The following PEX5L variants were observed in gnomAD, a reference collection of about 807,000 sequenced individuals.
PEX5L encodes the protein peroxisomal biogenesis factor 5 like.
Under a neutral mutation model 84.0 loss-of-function variants are expected in PEX5L, and 30 were observed. The observed-to-expected ratio is 0.36, with a 90% CI of 0.27 to 0.48. The LOEUF is 0.48. Ranked by LOEUF, PEX5L falls within the 20% of genes least tolerant of loss-of-function variation. The pLI is 0.99. For missense variants in PEX5L, 533 were observed against 754.6 expected, an observed-to-expected ratio of 0.71 and a Z score of 3.44; for synonymous variants, 270 against 283.1, an observed-to-expected ratio of 0.95 and a Z score of 0.46.
intron 2 of PEX5L, among the ~76,000 whole-genome samples, chr3:179,940,867 C>A (rs1189937464): frequency 6.6e-6 from 1 of 152,166 alleles, no homozygotes; most frequent in East Asian, 1.9e-4. Context: ...AATAAGTGAC[C>A]TTTTACAATG....
chr3:179,875,525 G>A (rs1425533820), intron 5 of PEX5L, 48 bp from the exon 6 acceptor site: 1 of 1,258,322 alleles, frequency 7.9e-7, no homozygotes, highest in Non-Finnish European at 1.1e-6. Flanking sequence ...GCAGGGCGGG[G>A]TAGGGGGAGC....
chr3:179,881,983 T>C (rs548269937), intron 4 of PEX5L, among the ~76,000 whole-genome samples: 1 of 152,332 alleles, frequency 6.6e-6, no homozygotes, highest in African/African-American at 2.4e-5. Flanking sequence ...AATGTAAGCA[T>C]GGCAGACAGC....
At chr3:179,991,298 G>C (rs1264339747) in intron 1 of PEX5L, among the ~76,000 whole-genome samples, 2 of 152,164 alleles carry the variant, frequency 1.3e-5, no homozygotes, top group Non-Finnish European at 2.9e-5. Flanking sequence ...TGTCACTCCA[G>C]CTCATCAGGT....
At chr3:179,954,475 C>T (rs927520723) in intron 2 of PEX5L, among the ~76,000 whole-genome samples, 15 of 152,164 alleles carry the variant, frequency 9.9e-5, no homozygotes, top group Non-Finnish European at 2.2e-4. Flanking sequence ...CACAGAAGAA[C>T]TGGCAAGTGG....
intron 1 of PEX5L, among the ~76,000 whole-genome samples, chr3:180,007,095 A>T (rs1788970479): frequency 6.6e-6 from 1 of 152,204 alleles, no homozygotes; most frequent in Admixed American, 6.5e-5. Flanking sequence ...TCTGCCTATG[A>T]GCCTGTAAAA....
chr3:179,813,779 C>T (rs1724901647), intron 10 of PEX5L, among the ~76,000 whole-genome samples: 1 of 151,504 alleles, frequency 6.6e-6, no homozygotes, highest in Non-Finnish European at 1.5e-5. Flanking sequence ...CGGGTTCACG[C>T]CATTCTCCTG....
intron 1 of PEX5L, among the ~76,000 whole-genome samples, chr3:179,997,842 C>T (rs1788033550): frequency 6.6e-6 from 1 of 152,230 alleles, no homozygotes; most frequent in Admixed American, 6.5e-5. Flanking sequence ...ATAAGGCCCA[C>T]CAGAAGCAAT....
At position 179,797,289 on chromosome 3, in the gene PEX5L, A is replaced by G. The variant is rs1717333732; in HGVS notation, c.*4539T>C. On this transcript the variant is annotated 3_prime_UTR_variant, in exon 15 of 15. Coordinates refer to ENST00000467460, the MANE Select transcript of PEX5L (RefSeq NM_016559.3). ...GAATATCTGTAAAGTTCAGTGTGAT[A>G]GCATGAAAACAATCTCAAGGATAGG... is the stretch of plus-strand genomic sequence containing the variant. The G allele has an allele frequency of 1.3e-5, 2 of 152,228 alleles. No individual in the cohort carries two copies. The highest frequency in any genetic ancestry group is 1.3e-4 in the Admixed American group (2 of 15,288). 9.4% of individuals were successfully genotyped at this position (152,228 alleles called of 1,614,324 possible). A position where few individuals can be genotyped will look rare whatever the true frequency, so the allele number is the denominator to read the frequency against.
chr3:179,801,745 T>C lies in PEX5L; in HGVS notation c.*83A>G, dbSNP rs1218642128. 2 of 949,250 alleles carry C rather than the reference T, an allele frequency of 2.1e-6. No homozygotes were observed. The highest frequency in any genetic ancestry group is 3.3e-5 in the African/African-American group (2 of 61,498). 58.8% of individuals were successfully genotyped at this position (949,250 alleles called of 1,614,324 possible). A position where few individuals can be genotyped will look rare whatever the true frequency, so the allele number is the denominator to read the frequency against. On this transcript the variant is annotated 3_prime_UTR_variant, in exon 15 of 15. Coordinates refer to ENST00000467460, the MANE Select transcript of PEX5L (RefSeq NM_016559.3). ...CCTTTTGAATATTTGATTTATCCTT[T>C]TGAAATTCATAATAAAATAGTTTTT...
intron 2 of PEX5L, among the ~76,000 whole-genome samples, chr3:179,959,567 T>G (rs779120115): frequency 2.6e-5 from 4 of 152,222 alleles, no homozygotes; most frequent in African/African-American, 7.2e-5. Flanking sequence ...AAATAATGTA[T>G]TTTTTCTTTT....
chr3:179,897,305 C>T (rs1475407488), intron 3 of PEX5L, among the ~76,000 whole-genome samples: 1 of 152,006 alleles, frequency 6.6e-6, no homozygotes, highest in African/African-American at 2.4e-5. Context: ...ATAATCTAAT[C>T]TAAATTATAA....
chr3:179,849,689 A>G (rs1483891246), intron 8 of PEX5L, among the ~76,000 whole-genome samples: 1 of 152,208 alleles, frequency 6.6e-6, no homozygotes, highest in East Asian at 1.9e-4. Flanking sequence ...GGACATGCCA[A>G]TGGACAAACA....
chr3:179,811,845 C>T lies in PEX5L; in HGVS notation c.1110G>A (p.Gln370=). 2 of 1,614,056 alleles carry T rather than the reference C, an allele frequency of 1.2e-6. No homozygotes were observed. Among genetic ancestry groups the T allele is most frequent in the South Asian group, 1.1e-5 (1 of 91,084 alleles). ...CTGCTTGTTCATTTTCATTCTCCGC[C>T]TGGGTTATCCCGAGGAACTGCCATG... ...AEAWQFLGIT[Q]AENENEQAAI... is the part of the protein sequence containing the mutation. The change falls in exon 11 of 15, where the codon CAG becomes CAA. Residue 370 remains glutamine (Q), a synonymous_variant. Coordinates refer to ENST00000467460, the MANE Select transcript of PEX5L (RefSeq NM_016559.3).
Position 179,847,700 on chromosome 3 carries a change from G to GT in PEX5L, c.822+11361dup, listed in dbSNP as rs201945266. ...GTATTTTGATTTTACTTTATAAAAA[G>GT]TTTTTTTTTGAGACAAGTTTTGTTT... On this transcript the variant is annotated intron_variant, in intron 8 of 14. Transcript: ENST00000467460. Among the ~76,000 whole-genome samples, 1,462 of 151,290 alleles carry GT rather than the reference G, an allele frequency of 9.7e-3. 58 individuals are homozygous for GT. The highest frequency in any genetic ancestry group is 0.081 in the East Asian group (420 of 5,162).
At chr3:179,914,951 A>G (rs913444365) in intron 2 of PEX5L, among the ~76,000 whole-genome samples, 2 of 141,824 alleles carry the variant, frequency 1.4e-5, no homozygotes, top group African/African-American at 3.1e-5. Context: ...AAGATTGGCT[A>G]AAAAAAAATC....
At chr3:179,945,916 T>G (rs1208581430) in intron 2 of PEX5L, among the ~76,000 whole-genome samples, 1 of 152,160 alleles carries the variant, frequency 6.6e-6, no homozygotes, top group Admixed American at 6.5e-5. Context: ...GGAAATGGCA[T>G]GAATGTTATT....
At chr3:179,829,943 A>ATTTTTTTT (rs11352022) in intron 8 of PEX5L, among the ~76,000 whole-genome samples, 3,887 of 83,206 alleles carry the variant, frequency 0.047, no homozygotes, top group East Asian at 0.059. Flanking sequence ...GGCCTGGCTA[A>ATTTTTTTT]TTTTTTTTTT....
Position 179,853,379 on chromosome 3 carries a change from G to A in PEX5L, c.822+5683C>T, listed in dbSNP as rs567677760. 1.8e-4 allele frequency among the ~76,000 whole-genome samples: 28 copies of A among 152,298 alleles called. No homozygotes were observed. The South Asian group carries it at 5.4e-3, about 29-fold the overall frequency. On this transcript the variant is annotated intron_variant, in intron 8 of 14. Transcript: ENST00000467460. Reference sequence around the variant, plus strand: ...TGGCTCTCTTTCCCTTCCTGCTAACGTTGATGAAGGAGGTATTTTTGGCTT... The same window carrying A: ...TGGCTCTCTTTCCCTTCCTGCTAACATTGATGAAGGAGGTATTTTTGGCTT...
At chr3:179,922,494 G>C (rs1307514859) in intron 2 of PEX5L, among the ~76,000 whole-genome samples, 5 of 150,308 alleles carry the variant, frequency 3.3e-5, no homozygotes, top group Admixed American at 3.3e-4. Context: ...TGTTGCCCAG[G>C]CTGGAGTGCA....
Sources: gnomAD v4.1 joint callset for allele counts (sites outside exome capture counted in the v4.1 genomes callset) on GRCh38, gnomAD v4.1.1 for gene constraint, MANE v1.5 for transcripts, NCBI Gene and HGNC (gene_info 2026-07-23, HGNC 2026-07-21) for gene names.